TOPAZ1: variants seen among roughly 807,000 people sequenced by gnomAD.
TOPAZ1 encodes the protein testis and ovary specific TOPAZ 1.
Under a neutral mutation model 172.2 loss-of-function variants are expected in TOPAZ1, and 66 were observed. The observed-to-expected ratio is 0.38, with a 90% CI of 0.31 to 0.47. The LOEUF (loss-of-function observed/expected upper bound fraction) is 0.47, where lower values mean the gene tolerates loss of function less well. Ranked by LOEUF, TOPAZ1 falls within the 20% of genes least tolerant of loss-of-function variation. The pLI, the probability that TOPAZ1 is intolerant of heterozygous loss-of-function variation, is 0.99. For synonymous variants in TOPAZ1, 681 were observed against 683.9 expected (o/e 1.00, Z 0.07); for missense variants, 1,822 against 1,972.4 (o/e 0.92, Z 1.44).
At chr3:44,290,610 C>G (rs996974347) in intron 11 of TOPAZ1, among the ~76,000 whole-genome samples, 161 bp from the exon 12 acceptor site, 16 of 152,156 alleles carry the variant, frequency 1.1e-4, no homozygotes, top group African/African-American at 3.4e-4. Context: ...CTTAGGATAT[C>G]TTTTTGTGGT....
At chr3:44,311,612 G>T (rs759793352) in intron 16 of TOPAZ1, among the ~76,000 whole-genome samples, 21 of 151,566 alleles carry the variant, frequency 1.4e-4, no homozygotes, top group Non-Finnish European at 1.2e-4. Context: ...TCTTTTTTTT[G>T]CAGTGACAGT....
chr3:44,246,398 C>G (rs1016633282), intron 2 of TOPAZ1, among the ~76,000 whole-genome samples: 1 of 152,106 alleles, frequency 6.6e-6, no homozygotes, highest in Non-Finnish European at 1.5e-5. Flanking sequence ...CATTAAGATT[C>G]AGTGGTACAT....
At position 44,287,506 on chromosome 3, in the gene TOPAZ1, A is replaced by T. The variant is rs763940561; in HGVS notation, c.3554A>T (p.Gln1185Leu). 78 of 1,524,008 alleles carry T rather than the reference A, an allele frequency of 5.1e-5. No homozygotes were observed. The highest frequency in any genetic ancestry group is 4.4e-6 in the Non-Finnish European group (5 of 1,135,390). The allele number at this position is 1,524,008 out of a possible 1,614,324, so 94.4% of individuals were successfully genotyped here. Reference sequence around the variant, plus strand: ...CATTGTTTGTTGAAAGAAGTATTTCAGATAGTGAACCTCAGCATAATGGTT... The same window carrying T: ...CATTGTTTGTTGAAAGAAGTATTTCTGATAGTGAACCTCAGCATAATGGTT... ...LKHCLLKEVF[Q>L]IVNLSIMVKM... Residue 1185 changes from glutamine to leucine, a missense_variant, in exon 10 of 20, where the codon CAG (glutamine) becomes CTG (leucine). Coordinates refer to ENST00000309765, the MANE Select transcript of TOPAZ1 (RefSeq NM_001145030.2).
chr3:44,284,633 CTAAGAG>C (rs932575562), intron 9 of TOPAZ1, among the ~76,000 whole-genome samples: 1 of 152,094 alleles, frequency 6.6e-6, no homozygotes, highest in African/African-American at 2.4e-5. Context: ...GGGTATATAC[CTAAGAG>C]TAAAACTATA....
In TOPAZ1 at chr3:44,321,033, A is replaced by T. The variant is rs1243868124; in HGVS notation, c.4313A>T (p.Glu1438Val). 6.5e-7 allele frequency: 1 copy of T among 1,544,364 alleles called. No individual in the cohort carries two copies. Residue 1438 changes from glutamate to valine, a missense_variant, in exon 17 of 20, where the codon GAG (glutamate) becomes GTG (valine). Physicochemically the swap from Glu to Val is moderately radical, Grantham distance 121. Transcript: ENST00000309765. The stretch of plus-strand genomic sequence containing the variant: ...ATTTTTTTCTTTTTGGAAGAGTCAG[A>T]GTGGATAATCAATACGCCTCTGTGG... Reference protein sequence around the residue: ...DGAIWVMRESEWIINTPLWPC... With the variant: ...DGAIWVMRESVWIINTPLWPC...
intron 8 of TOPAZ1, among the ~76,000 whole-genome samples, chr3:44,276,533 G>A (rs1439085750): frequency 1.3e-5 from 2 of 149,830 alleles, no homozygotes; most frequent in South Asian, 4.2e-4. Flanking sequence ...TGGTCTATAG[G>A]TCTGTTTTTA....
At chr3:44,312,139 C>A (rs1700403479) in intron 16 of TOPAZ1, among the ~76,000 whole-genome samples, 1 of 149,318 alleles carries the variant, frequency 6.7e-6, no homozygotes, top group Non-Finnish European at 1.5e-5. Flanking sequence ...AAGGGAATAC[C>A]AGTTGAACTG....
chr3:44,256,413 TG>T, intron 4 of TOPAZ1, 135 bp downstream of exon 4: 7 of 788,984 alleles, frequency 8.9e-6, no homozygotes, highest in Non-Finnish European at 9.6e-6. Context: ...ACTCTAGCCA[TG>T]GGATGTATCC....
chr3:44,289,562 A>G (rs1700114645), intron 11 of TOPAZ1, among the ~76,000 whole-genome samples: 1 of 152,202 alleles, frequency 6.6e-6, no homozygotes, highest in Non-Finnish European at 1.5e-5. Flanking sequence ...CCCATTCAAA[A>G]GGGGCCGAGT....
At chr3:44,284,146 C>T (rs559515782) in intron 9 of TOPAZ1, among the ~76,000 whole-genome samples, 2 of 152,206 alleles carry the variant, frequency 1.3e-5, no homozygotes, top group South Asian at 4.1e-4. Flanking sequence ...CCATTTTAAA[C>T]ATTTTTAAGT....
At chr3:44,300,049 A>G (rs1258749184) in intron 12 of TOPAZ1, among the ~76,000 whole-genome samples, 1 of 150,980 alleles carries the variant, frequency 6.6e-6, no homozygotes, top group Non-Finnish European at 1.5e-5. Context: ...ACATGTATAC[A>G]TATGTAACTA....
intron 8 of TOPAZ1, among the ~76,000 whole-genome samples, chr3:44,271,742 C>T (rs1699901436): frequency 6.6e-6 from 1 of 151,762 alleles, no homozygotes; most frequent in African/African-American, 2.4e-5. Flanking sequence ...AAGATACTAT[C>T]TTTTTTTGTG....
chr3:44,298,290 C>T (rs987801933), intron 12 of TOPAZ1, among the ~76,000 whole-genome samples: 5 of 151,892 alleles, frequency 3.3e-5, no homozygotes, highest in Non-Finnish European at 5.9e-5. Flanking sequence ...GTGGTGAAAC[C>T]CCATCTCTAC....
chr3:44,249,575 A>G (rs774243032), intron 2 of TOPAZ1, among the ~76,000 whole-genome samples: 2 of 152,154 alleles, frequency 1.3e-5, no homozygotes, highest in Non-Finnish European at 2.9e-5. Context: ...CAGTAGTGGC[A>G]TTGATTTCAT....
chr3:44,330,873 G>A lies in TOPAZ1; in HGVS notation c.4860-919G>A, dbSNP rs184175016. Among the ~76,000 whole-genome samples the A allele has an allele frequency of 8.5e-5, 13 of 152,280 alleles. No individual in the cohort carries two copies. The East Asian group carries it at 2.5e-3, about 29-fold the overall frequency. On this transcript the variant is annotated intron_variant, in intron 19 of 19. Coordinates refer to ENST00000309765, the MANE Select transcript of TOPAZ1 (RefSeq NM_001145030.2). ...TCACAATTGATTGCAGATGGCGCTG[G>A]TAGAAAAATTATTAGAAAAATTAAT... is the stretch of plus-strand genomic sequence containing the variant.
intron 2 of TOPAZ1, among the ~76,000 whole-genome samples, chr3:44,248,602 T>C (rs1699593607): frequency 6.6e-6 from 1 of 152,260 alleles, no homozygotes; most frequent in African/African-American, 2.4e-5. Context: ...AGAAACTTGT[T>C]AATGGTTCTA....
chr3:44,246,425 C>T (rs1287535555), intron 2 of TOPAZ1, among the ~76,000 whole-genome samples: 1 of 152,114 alleles, frequency 6.6e-6, no homozygotes, highest in Non-Finnish European at 1.5e-5. Context: ...AGTTTCTCTG[C>T]CATTTATTTG....
chr3:44,333,808 T>C (rs967122389), downstream of TOPAZ1, among the ~76,000 whole-genome samples: 2 of 152,010 alleles, frequency 1.3e-5, no homozygotes, highest in Admixed American at 6.5e-5. Flanking sequence ...CTGACAACAG[T>C]ATAGGTTTGA....
intron 8 of TOPAZ1, 130 bp downstream of exon 8, chr3:44,270,940 A>G (rs1278310922): frequency 1.3e-6 from 1 of 759,358 alleles, no homozygotes. Context: ...CTTTATATAA[A>G]TGGAATCATA....
Sources: allele counts gnomAD v4.1 joint callset (sites outside exome capture counted in the v4.1 genomes callset), GRCh38; gene constraint gnomAD v4.1.1; transcripts MANE v1.5; gene names NCBI Gene and HGNC (gene_info 2026-07-23, HGNC 2026-07-21).